IRAG1: variants seen among roughly 807,000 people sequenced by gnomAD.
The protein encoded by IRAG1 is inositol 1,4,5-triphosphate receptor associated 1, also known as IP3R-associated cGMP kinase substrate.
IRAG1 carries 62 observed loss-of-function variants against 106.2 expected under a neutral mutation model. The observed-to-expected ratio is 0.58, with a 90% CI of 0.48 to 0.72. The LOEUF (loss-of-function observed/expected upper bound fraction) is 0.72. Among genes scored for constraint, IRAG1 ranks in the 30% least tolerant of loss-of-function variants. The pLI is 0.00. For synonymous variants in IRAG1, 462 were observed against 443.9 expected (o/e 1.04, Z -0.51); for missense variants, 1,064 against 1,140.7 (o/e 0.93, Z 0.97).
At chr11:10,642,730 G>T (rs141051399) in intron 2 of IRAG1, among the ~76,000 whole-genome samples, 3 of 152,194 alleles carry the variant, frequency 2.0e-5, no homozygotes, top group Non-Finnish European at 4.4e-5. Context: ...TAATAATGAC[G>T]GTGAAAGTGG....
rs1858083505 is a variant in IRAG1 at position 10,647,761 on chromosome 11, C to G, written c.225+4264G>C. Among the ~76,000 whole-genome samples the G allele has an allele frequency of 6.6e-6, 1 of 152,262 alleles. No homozygotes were observed. ...GCCTAGGTAAGATTGCATCTGGAGC[C>G]TGGGGCCAGGTCTGGGGCCCTACAG... On this transcript the variant is annotated intron_variant, in intron 2 of 20. Coordinates refer to ENST00000423302, the MANE Select transcript of IRAG1 (RefSeq NM_130385.4). This position sits in a 1 kb window ranked among gnomAD's most constrained non-coding sequence, Gnocchi z 4.3.
intron 2 of IRAG1, among the ~76,000 whole-genome samples, chr11:10,643,031 C>A (rs9633863): frequency 6.6e-6 from 1 of 151,980 alleles, no homozygotes; most frequent in East Asian, 1.9e-4. Flanking sequence ...CAAAATTAGC[C>A]GGGCATGGTG....
chr11:10,685,152 T>A (rs1212394747), intron 1 of IRAG1, among the ~76,000 whole-genome samples: 1 of 152,152 alleles, frequency 6.6e-6, no homozygotes, highest in African/African-American at 2.4e-5. Flanking sequence ...ACATTCAGAA[T>A]TGCATACTTG....
intron 1 of IRAG1, among the ~76,000 whole-genome samples, chr11:10,685,447 T>C (rs1383896988): frequency 1.3e-5 from 2 of 151,264 alleles, no homozygotes; most frequent in Non-Finnish European, 2.9e-5. Context: ...AAAAGAATTG[T>C]ATACTTTAGT....
chr11:10,653,606 C>T (rs1858698902), intron 1 of IRAG1, among the ~76,000 whole-genome samples: 1 of 152,156 alleles, frequency 6.6e-6, no homozygotes, highest in Admixed American at 6.5e-5. Context: ...TGAGTCCTCA[C>T]TTTGCCACTC....
intron 1 of IRAG1, among the ~76,000 whole-genome samples, chr11:10,667,190 C>T (rs1319593101): frequency 6.6e-6 from 1 of 151,338 alleles, no homozygotes; most frequent in Admixed American, 6.6e-5. Flanking sequence ...CACCCTGGAT[C>T]CCAGAAGCCC....
At chr11:10,689,185 G>A (rs901528496) in intron 1 of IRAG1, among the ~76,000 whole-genome samples, 2 of 146,948 alleles carry the variant, frequency 1.4e-5, no homozygotes, top group Non-Finnish European at 3.0e-5. Flanking sequence ...CTTAGCTAAG[G>A]CCTGCTCTCA....
rs1330785303 is a variant in IRAG1 at position 10,669,142 on chromosome 11, A to C, written c.68-16960T>G. On this transcript the variant is annotated intron_variant, in intron 1 of 20. Coordinates refer to ENST00000423302, the MANE Select transcript of IRAG1 (RefSeq NM_130385.4). ...CCATTTTTAATAAATAAACTAATGG[A>C]TTGGTATTTTTTCTCTGGAGATCTA... Among the ~76,000 whole-genome samples the C allele has an allele frequency of 2.0e-5, 3 of 152,146 alleles. No individual in the cohort carries two copies. In the East Asian group the frequency reaches 5.8e-4, roughly 29 times the overall value.
intron 18 of IRAG1, 57 bp downstream of exon 18, chr11:10,591,491 A>G: frequency 6.8e-7 from 1 of 1,470,920 alleles, no homozygotes; most frequent in Non-Finnish European, 9.3e-7. Context: ...AGGAAAGTAA[A>G]ATGGGGAAAA....
rs376607550 is a variant in IRAG1 at position 10,628,775 on chromosome 11, A to T, written c.628T>A (p.Ser210Thr). 1.3e-6 allele frequency: 2 copies of T among 1,555,294 alleles called. No individual in the cohort carries two copies. The highest frequency in any genetic ancestry group is 2.8e-5 in the African/African-American group (2 of 71,676). The change falls in exon 6 of 21, where the codon TCA becomes ACA. Residue 210 changes from serine (S) to threonine (T), a missense_variant. Physicochemically the swap from Ser to Thr is moderately conservative, Grantham distance 58. Transcript: ENST00000423302. The surrounding 1 kb of genome is among the most constrained non-coding windows in gnomAD (Gnocchi z 4.1). The part of the protein sequence containing the change: ...SASPTSSRSN[S>T]LTVPTPPGLD... ...CCTGGCGGGGTGGGGACTGTAAGTG[A>T]GTTGCTCCGAGAGGATGTAGGAGAA... is the stretch of plus-strand genomic sequence containing the variant.
intron 18 of IRAG1, among the ~76,000 whole-genome samples, chr11:10,588,300 C>G (rs1171124200): frequency 6.6e-6 from 1 of 152,106 alleles, no homozygotes; most frequent in Non-Finnish European, 1.5e-5. Context: ...GATTATGTAC[C>G]CTTTAGATTT....
At position 10,576,282 on chromosome 11, in the gene IRAG1, G is replaced by A; in HGVS notation, c.*50C>T. 5.0e-6 allele frequency: 8 copies of A among 1,606,872 alleles called. No individual in the cohort carries two copies. The highest frequency in any genetic ancestry group is 6.8e-6 in the Non-Finnish European group (8 of 1,176,030). Reference sequence around the variant, plus strand: ...GCCTGACGTTATACTTGGGGAAAGGGTGGTAGTCTGAGTGTCTCAGAGCAG... The same window carrying A: ...GCCTGACGTTATACTTGGGGAAAGGATGGTAGTCTGAGTGTCTCAGAGCAG... On this transcript the variant is annotated 3_prime_UTR_variant, in exon 21 of 21. Transcript: ENST00000423302.
chr11:10,622,132 T>G (rs527411763), intron 10 of IRAG1, among the ~76,000 whole-genome samples: 5 of 152,054 alleles, frequency 3.3e-5, no homozygotes, highest in Non-Finnish European at 5.9e-5. Flanking sequence ...CAATAAAAAA[T>G]AGTCCCCCAC....
At position 10,674,411 on chromosome 11, in the gene IRAG1, T is replaced by C. The variant is rs562865913; in HGVS notation, c.67+19125A>G. The stretch of plus-strand genomic sequence containing the variant: ...TATGGGCACAAATGGGGGTGACACC[T>C]TTCAGTTCTCACCCTGAAGTCTCTA... On this transcript the variant is annotated intron_variant, in intron 1 of 20. Transcript: ENST00000423302. Among the ~76,000 whole-genome samples, 230 of 152,256 alleles carry C rather than the reference T, an allele frequency of 1.5e-3. 1 individual carries two copies. Among genetic ancestry groups the C allele is most frequent in the Non-Finnish European group, 2.9e-3 (197 of 68,002 alleles).
At chr11:10,606,251 G>C (rs907301698) in intron 12 of IRAG1, among the ~76,000 whole-genome samples, 1 of 152,168 alleles carries the variant, frequency 6.6e-6, no homozygotes, top group African/African-American at 2.4e-5. Flanking sequence ...CTGGGACAAG[G>C]AGGCCCCAGT....
At chr11:10,684,429 G>A (rs1366821384) in intron 1 of IRAG1, among the ~76,000 whole-genome samples, 1 of 151,906 alleles carries the variant, frequency 6.6e-6, no homozygotes, top group East Asian at 1.9e-4. Context: ...GACACAGGAA[G>A]GGGAACATCA....
chr11:10,618,956 G>A (rs927666660), intron 10 of IRAG1, among the ~76,000 whole-genome samples: 1 of 152,160 alleles, frequency 6.6e-6, no homozygotes, highest in African/African-American at 2.4e-5. Flanking sequence ...AGCTGGGTTG[G>A]GGGTTGGGAG....
chr11:10,669,024 C>A (rs1176444343), intron 1 of IRAG1, among the ~76,000 whole-genome samples: 2 of 152,138 alleles, frequency 1.3e-5, no homozygotes, highest in Admixed American at 6.5e-5. Flanking sequence ...AGGAAGAAGT[C>A]CTTCAAAGGT....
chr11:10,658,762 C>A (rs1417260643), intron 1 of IRAG1, among the ~76,000 whole-genome samples: 1 of 150,436 alleles, frequency 6.6e-6, no homozygotes, highest in Non-Finnish European at 1.5e-5. Context: ...GTGGTCAGTC[C>A]CAGGTCCGTG....
Sources: allele counts gnomAD v4.1 joint callset (sites outside exome capture counted in the v4.1 genomes callset), GRCh38; gene constraint gnomAD v4.1.1; non-coding constraint Gnocchi (gnomAD v3.1); transcripts MANE v1.5; gene names NCBI Gene and HGNC (gene_info 2026-07-23, HGNC 2026-07-21).